ITPR2: variants seen among roughly 807,000 people sequenced by gnomAD.
ITPR2 encodes the protein inositol 1,4,5-trisphosphate-gated calcium channel ITPR2.
A neutral mutation model predicts 317.1 loss-of-function variants in ITPR2; 207 were observed. That is an observed-to-expected ratio of 0.65 (90% CI 0.58 to 0.73). The LOEUF (loss-of-function observed/expected upper bound fraction) is 0.73, where lower values mean the gene tolerates loss of function less well. Ranked by LOEUF, ITPR2 falls within the 30% of genes least tolerant of loss-of-function variation. The pLI, the probability that ITPR2 is intolerant of heterozygous loss-of-function variation, is 0.00. For missense variants in ITPR2, 2,613 were observed against 3,284.0 expected, an observed-to-expected ratio of 0.80 and a Z score of 4.99; for synonymous variants, 1,156 against 1,149.1, an observed-to-expected ratio of 1.01 and a Z score of -0.12.
intron 37 of ITPR2, among the ~76,000 whole-genome samples, chr12:26,530,686 A>G (rs1943922667): frequency 6.6e-6 from 1 of 152,150 alleles, no homozygotes; most frequent in African/African-American, 2.4e-5. Flanking sequence ...GTTCTTAAAT[A>G]CTATGGATGT....
intron 45 of ITPR2, among the ~76,000 whole-genome samples, chr12:26,474,601 G>A (rs898087949): frequency 4.6e-5 from 7 of 151,666 alleles, no homozygotes; most frequent in Middle Eastern, 3.2e-3. Flanking sequence ...AGACCATCCC[G>A]GCTAAAGCGG....
chr12:26,632,360 A>T (rs1946774390), intron 21 of ITPR2, among the ~76,000 whole-genome samples: 1 of 152,222 alleles, frequency 6.6e-6, no homozygotes, highest in Admixed American at 6.5e-5. Context: ...GTAACACAGT[A>T]TGTCCTACTA....
chr12:26,693,752 C>A (rs1013292525), intron 10 of ITPR2, among the ~76,000 whole-genome samples: 6 of 152,164 alleles, frequency 3.9e-5, no homozygotes, highest in Non-Finnish European at 8.8e-5. Flanking sequence ...TCAGCTGTAT[C>A]ACCGAATATT....
At chr12:26,344,761 C>G (rs1436697288) in intron 55 of ITPR2, among the ~76,000 whole-genome samples, 1 of 152,200 alleles carries the variant, frequency 6.6e-6, no homozygotes, top group Admixed American at 6.5e-5. Context: ...CAAAATCCAG[C>G]ACAATTCTCG....
chr12:26,425,510 T>C (rs1941030674), intron 49 of ITPR2, among the ~76,000 whole-genome samples: 1 of 151,556 alleles, frequency 6.6e-6, no homozygotes, highest in South Asian at 2.1e-4. Context: ...CCACTAAAAA[T>C]ACAAAAAATT....
At chr12:26,407,795 G>A (rs186397350) in intron 52 of ITPR2, among the ~76,000 whole-genome samples, 19 of 152,270 alleles carry the variant, frequency 1.2e-4, no homozygotes, top group African/African-American at 2.9e-4. Context: ...GGTCCCTACC[G>A]AAAATGTAAG....
chr12:26,440,995 T>C (rs12301591), intron 46 of ITPR2, among the ~76,000 whole-genome samples: 59,545 of 151,976 alleles, frequency 0.39, 12,106 homozygotes, highest in African/African-American at 0.51. Context: ...AGGTGAGGCA[T>C]GTTGGAGAAA....
chr12:26,439,934 A>G (rs938671587), intron 46 of ITPR2, among the ~76,000 whole-genome samples: 1 of 58,470 alleles, frequency 1.7e-5, no homozygotes, highest in African/African-American at 6.8e-5. Context: ...TTAACTTTAG[A>G]CTAAAAAAAG....
intron 1 of ITPR2, among the ~76,000 whole-genome samples, chr12:26,795,811 CT>C (rs1291180304): frequency 6.6e-6 from 1 of 152,074 alleles, no homozygotes; most frequent in Non-Finnish European, 1.5e-5. Context: ...TAGCAAAACC[CT>C]ATCGCTACAA....
At chr12:26,341,861 G>T (rs1938124785) in intron 55 of ITPR2, among the ~76,000 whole-genome samples, 1 of 152,160 alleles carries the variant, frequency 6.6e-6, no homozygotes, top group African/African-American at 2.4e-5. Flanking sequence ...TAAAACTGCA[G>T]ATTCCCACCC....
chr12:26,750,783 G>A lies in ITPR2; in HGVS notation c.164-25018C>T, dbSNP rs116643577. Among the ~76,000 whole-genome samples, 17 of 152,270 alleles carry A rather than the reference G, an allele frequency of 1.1e-4. 1 individual carries two copies. Among genetic ancestry groups the A allele is most frequent in the African/African-American group, 3.8e-4 (16 of 41,560 alleles). On this transcript the variant is annotated intron_variant, in intron 2 of 56. Coordinates refer to ENST00000381340, the MANE Select transcript of ITPR2 (RefSeq NM_002223.4). Reference sequence around the variant, plus strand: ...AAGGAAGTAGGTATATGAATGAACAGAAGTCGTGAAATAGAGGAAAATAAA... The same window carrying A: ...AAGGAAGTAGGTATATGAATGAACAAAAGTCGTGAAATAGAGGAAAATAAA...
chr12:26,778,237 T>A (rs1177775000), intron 2 of ITPR2, among the ~76,000 whole-genome samples: 1 of 152,150 alleles, frequency 6.6e-6, no homozygotes, highest in Non-Finnish European at 1.5e-5. Flanking sequence ...AGAAAAATAG[T>A]AAATCAAAAA....
chr12:26,358,104 C>CCCTT (rs1265218358), intron 55 of ITPR2, among the ~76,000 whole-genome samples: 1 of 47,836 alleles, frequency 2.1e-5, no homozygotes. Flanking sequence ...TAAAGTCGTT[C>CCCTT]GGCCGGGCGC....
intron 45 of ITPR2, among the ~76,000 whole-genome samples, chr12:26,457,331 C>T (rs1174227425): frequency 6.6e-6 from 1 of 152,032 alleles, no homozygotes; most frequent in East Asian, 1.9e-4. Context: ...GCCAGTGTGG[C>T]TTGAGCAGAA....
intron 2 of ITPR2, among the ~76,000 whole-genome samples, chr12:26,739,627 G>A (rs10771296): frequency 0.81 from 123,081 of 152,182 alleles, 49,972 homozygotes; most frequent in East Asian, 0.98. Context: ...AAGAAGGTCA[G>A]GGGTTACCTG....
chr12:26,475,829 G>C (rs939177809), intron 44 of ITPR2, among the ~76,000 whole-genome samples: 1 of 152,150 alleles, frequency 6.6e-6, no homozygotes, highest in Non-Finnish European at 1.5e-5. Context: ...CAGCAAGCAA[G>C]GAGGCAAACA....
At chr12:26,512,012 TC>T (rs930233540) in intron 37 of ITPR2, among the ~76,000 whole-genome samples, 13 of 152,138 alleles carry the variant, frequency 8.5e-5, no homozygotes, top group Non-Finnish European at 1.6e-4. Context: ...CATCTACTCT[TC>T]ATCTCATTTC....
chr12:26,711,025 A>G, intron 9 of ITPR2, 148 bp downstream of exon 9: 1 of 567,382 alleles, frequency 1.8e-6, no homozygotes, highest in Non-Finnish European at 3.2e-6. Context: ...TTTAAAAATA[A>G]TTTATATGCC....
chr12:26,635,117 T>C (rs1946838735), intron 21 of ITPR2, among the ~76,000 whole-genome samples: 2 of 152,334 alleles, frequency 1.3e-5, no homozygotes, highest in East Asian at 1.9e-4. Context: ...AAGCTCCTAC[T>C]GCCCATTTCA....
Sources: allele counts gnomAD v4.1 joint callset (sites outside exome capture counted in the v4.1 genomes callset), GRCh38; gene constraint gnomAD v4.1.1; transcripts MANE v1.5; gene names NCBI Gene and HGNC (gene_info 2026-07-23, HGNC 2026-07-21).